ATP2A3: variants seen among roughly 807,000 people sequenced by gnomAD.
The protein encoded by ATP2A3 is ATPase sarcoplasmic/endoplasmic reticulum Ca2+ transporting 3.
Under a neutral mutation model 106.8 loss-of-function variants are expected in ATP2A3, and 61 were observed. The ratio of observed to expected loss-of-function variants is 0.57; its 90% CI spans 0.46 to 0.71. The LOEUF is 0.71. Ranked by LOEUF, ATP2A3 falls within the 30% of genes least tolerant of loss-of-function variation. ATP2A3 has a pLI of 0.00. For missense variants in ATP2A3, 1,201 were observed against 1,423.5 expected (o/e 0.84, Z 2.52); for synonymous variants, 611 against 609.3 (o/e 1.00, Z -0.04).
In ATP2A3 at chr17:3,953,228, G is replaced by T; in HGVS notation, c.219+119C>A. On this transcript the variant is annotated intron_variant, in intron 3 of 20. Transcript: ENST00000397041. The surrounding 1 kb of genome is among the most constrained non-coding windows in gnomAD (Gnocchi z 5.1). The stretch of plus-strand genomic sequence containing the variant: ...GCAGGGCAGGGCCAGGGAAGGCCAG[G>T]GCGCAGGCCCAGGGTGTGGAGGACA... 8.5e-7 allele frequency: 1 copy of T among 1,177,622 alleles called. No homozygotes were observed. The highest frequency in any genetic ancestry group is 1.3e-6 in the Non-Finnish European group (1 of 786,408). 72.9% of individuals were successfully genotyped at this position (1,177,622 alleles called of 1,614,324 possible). A position where few individuals can be genotyped will look rare whatever the true frequency, so the allele number is the denominator to read the frequency against.
chr17:3,946,327 G>A (rs1597633445), intron 8 of ATP2A3, among the ~76,000 whole-genome samples: 1 of 151,924 alleles, frequency 6.6e-6, no homozygotes, highest in Non-Finnish European at 1.5e-5. Context: ...CAAGGCGGGT[G>A]GATCACTTGA....
intron 15 of ATP2A3, 125 bp downstream of exon 15, chr17:3,937,291 G>T: frequency 1.8e-6 from 2 of 1,142,034 alleles, no homozygotes; most frequent in Non-Finnish European, 2.5e-6. Context: ...ACCCTGGAAA[G>T]CCCCAGCCAG....
At position 3,953,811 on chromosome 17, in the gene ATP2A3, G is replaced by T; in HGVS notation, c.119-101C>A. On this transcript the variant is annotated intron_variant, in intron 1 of 20. Transcript: ENST00000397041. The surrounding 1 kb of genome is among the most constrained non-coding windows in gnomAD (Gnocchi z 5.1). ...CTGGCAGTGCCTCCCCACCGTGCCCGCCCAGACCCCCACCACGGACTGGAT... is the reference window on the plus strand; with the variant it reads ...CTGGCAGTGCCTCCCCACCGTGCCCTCCCAGACCCCCACCACGGACTGGAT... The T allele has an allele frequency of 1.5e-6, 2 of 1,290,928 alleles. No individual in the cohort carries two copies. The highest frequency in any genetic ancestry group is 2.2e-6 in the Non-Finnish European group (2 of 911,634). 80.0% of individuals were successfully genotyped at this position (1,290,928 alleles called of 1,614,324 possible).
At chr17:3,951,558 G>GTACCACCCCCCCT in intron 4 of ATP2A3, 23 bp downstream of exon 4, 1 of 716,234 alleles carries the variant, frequency 1.4e-6, no homozygotes. Context: ...CCCCCGCCCG[G>GTACCACCCCCCCT]TCCCACCCCC....
intron 4 of ATP2A3, 30 bp downstream of exon 4, chr17:3,951,551 C>A (rs1567715190): frequency 2.2e-6 from 3 of 1,341,318 alleles, no homozygotes; most frequent in Admixed American, 2.0e-5. Flanking sequence ...AGACCGCCCC[C>A]CGCCCGGTCC....
Position 3,942,580 on chromosome 17 carries a change from CCCAGGCCAGCCAGGCAGG to C in ATP2A3, c.1545+8_1545+25del. The C allele has an allele frequency of 1.2e-6, 2 of 1,605,540 alleles. No individual in the cohort carries two copies. The highest frequency in any genetic ancestry group is 1.7e-6 in the Non-Finnish European group (2 of 1,179,194). On this transcript the variant is annotated splice_region_variant and intron_variant, in intron 12 of 20. Coordinates refer to ENST00000397041, the MANE Select transcript of ATP2A3 (RefSeq NM_005173.4). Reference sequence around the variant, plus strand: ...CCAGGTTCCCCAGGGCGCGCAGGGGCCCAGGCCAGCCAGGCAGGCCCCCACCTTCACAAACATCTTGCT... The same window carrying C: ...CCAGGTTCCCCAGGGCGCGCAGGGGCCCCCCACCTTCACAAACATCTTGCT...
intron 14 of ATP2A3, 94 bp downstream of exon 14, chr17:3,940,877 A>G (rs906013636): frequency 1.4e-6 from 2 of 1,394,452 alleles, no homozygotes; most frequent in Non-Finnish European, 2.0e-6. Context: ...AAAAGGTAAG[A>G]ATGAGGCAGA....
chr17:3,929,013 C>G lies in ATP2A3; in HGVS notation c.2863-233G>C, dbSNP rs1174428597. Among the ~76,000 whole-genome samples the G allele has an allele frequency of 6.6e-6, 1 of 152,078 alleles. No individual in the cohort carries two copies. The highest frequency in any genetic ancestry group is 1.5e-5 in the Non-Finnish European group (1 of 68,010). On this transcript the variant is annotated intron_variant, in intron 19 of 20. Coordinates refer to ENST00000397041, the MANE Select transcript of ATP2A3 (RefSeq NM_005173.4). The surrounding 1 kb of genome is among the most constrained non-coding windows in gnomAD (Gnocchi z 4.3). Reference sequence around the variant, plus strand: ...AGCTTCCTCTGCCTCAAGGGCCCACCTCTGCCCTTGCCCACTGGGTCAACT... The same window carrying G: ...AGCTTCCTCTGCCTCAAGGGCCCACGTCTGCCCTTGCCCACTGGGTCAACT...
Position 3,953,676 on chromosome 17 carries a change from C to G in ATP2A3, c.136+17G>C. 6.4e-7 allele frequency: 1 copy of G among 1,562,266 alleles called. No individual in the cohort carries two copies. The highest frequency in any genetic ancestry group is 8.7e-7 in the Non-Finnish European group (1 of 1,153,026). On this transcript the variant is annotated intron_variant, in intron 2 of 20. Transcript: ENST00000397041. This position sits in a 1 kb window ranked among gnomAD's most constrained non-coding sequence, Gnocchi z 5.1. Reference sequence around the variant, plus strand: ...TGCTGCCCGCGGCCTAGAGGTCCATCCCGGTGCCAGCCTCACCTTCCTCAC... The same window carrying G: ...TGCTGCCCGCGGCCTAGAGGTCCATGCCGGTGCCAGCCTCACCTTCCTCAC...
chr17:3,948,228 C>T lies in ATP2A3; in HGVS notation c.631-373G>A, dbSNP rs140617240. Among the ~76,000 whole-genome samples, 150 of 152,362 alleles carry T rather than the reference C, an allele frequency of 9.8e-4. 4 individuals carry two copies. In the East Asian group the frequency reaches 0.018, roughly 19 times the overall value. ...AGCCACACAGGAGCATAGCTGACTACGAACCCAATAAACAGTCCATTAATA... is the reference window on the plus strand; with the variant it reads ...AGCCACACAGGAGCATAGCTGACTATGAACCCAATAAACAGTCCATTAATA... On this transcript the variant is annotated intron_variant, in intron 7 of 20. Coordinates refer to ENST00000397041, the MANE Select transcript of ATP2A3 (RefSeq NM_005173.4).
chr17:3,942,327 T>C (rs2053826958), intron 12 of ATP2A3, among the ~76,000 whole-genome samples: 1 of 152,234 alleles, frequency 6.6e-6, no homozygotes, highest in Non-Finnish European at 1.5e-5. Flanking sequence ...TAGAGCTGTA[T>C]TTCTCTCTTC....
chr17:3,964,268 C>A lies in ATP2A3; in HGVS notation c.24G>T (p.Pro8=), dbSNP rs1372953420. ...AGAAGTGGCGCAGCACGTCGGCGGC[C>A]GGGAGCAGATGCGCCGCCTCCATGC... is the stretch of plus-strand genomic sequence containing the variant. MEAAHLL[P]AADVLRHFSV... The change falls in exon 1 of 21, where the codon CCG becomes CCT. Residue 8 remains proline, a synonymous_variant. Transcript: ENST00000397041. 1 of 1,283,550 alleles carries A rather than the reference C, an allele frequency of 7.8e-7. No homozygotes were observed. Among genetic ancestry groups the A allele is most frequent in the Non-Finnish European group, 1.0e-6 (1 of 1,002,666 alleles). The allele number at this position is 1,283,550 out of a possible 1,614,324, so 79.5% of individuals were successfully genotyped here. A position where few individuals can be genotyped will look rare whatever the true frequency, so the allele number is the denominator to read the frequency against.
In ATP2A3 at chr17:3,928,254, G is replaced by A. The variant is rs1203294939; in HGVS notation, c.2980+409C>T. ...AAGAGGCCAACCCGGTGTGGTCTGG[G>A]GTCCAAGAGGTGGTCAGCGGCTGCC... On this transcript the variant is annotated intron_variant, in intron 20 of 20. Transcript: ENST00000397041. The surrounding 1 kb of genome is among the most constrained non-coding windows in gnomAD (Gnocchi z 6.1). 3.1e-6 allele frequency: 5 copies of A among 1,613,462 alleles called. No homozygotes were observed. The Admixed American group carries it at 6.7e-5, about 22-fold the overall frequency.
In ATP2A3 at chr17:3,955,048, G is replaced by A. The variant is rs28574570; in HGVS notation, c.119-1338C>T. On this transcript the variant is annotated intron_variant, in intron 1 of 20. Coordinates refer to ENST00000397041, the MANE Select transcript of ATP2A3 (RefSeq NM_005173.4). This position sits in a 1 kb window ranked among gnomAD's most constrained non-coding sequence, Gnocchi z 4.2. ...GAGCCAGGCTCTGCAGGGTGGGCTT[G>A]GAGAAGCTCCCCCTTCCCAGGCCGC... Among the ~76,000 whole-genome samples the A allele has an allele frequency of 0.012, 1,857 of 152,322 alleles. 43 individuals are homozygous for A. Among genetic ancestry groups the A allele is most frequent in the African/African-American group, 0.042 (1,757 of 41,562 alleles).
In ATP2A3 at chr17:3,947,397, G is replaced by C. The variant is rs755740594; in HGVS notation, c.1089C>G (p.Val363=). Residue 363 remains valine, a synonymous_variant, in exon 8 of 21, where the codon GTC becomes GTG. Transcript: ENST00000397041. The surrounding 1 kb of genome is among the most constrained non-coding windows in gnomAD (Gnocchi z 7.7). ...TGTLTTNQMS[V]CRMFVVAEAD... ...CAAGCTGGCCGTCACTCACCCGGCAGACAGACATCTGATTGGTGGTGAGCG... is the reference window on the plus strand; with the variant it reads ...CAAGCTGGCCGTCACTCACCCGGCACACAGACATCTGATTGGTGGTGAGCG... 2.5e-6 allele frequency: 4 copies of C among 1,613,888 alleles called. No homozygotes were observed. Among genetic ancestry groups the C allele is most frequent in the Non-Finnish European group, 3.4e-6 (4 of 1,180,054 alleles).
intron 7 of ATP2A3, among the ~76,000 whole-genome samples, chr17:3,948,946 T>C (rs1298887106): frequency 6.6e-6 from 1 of 152,004 alleles, no homozygotes; most frequent in Non-Finnish European, 1.5e-5. Flanking sequence ...CTGGCCAACA[T>C]GGTGAAACCC....
chr17:3,960,044 C>G (rs759083854), intron 1 of ATP2A3, among the ~76,000 whole-genome samples: 1 of 152,208 alleles, frequency 6.6e-6, no homozygotes, highest in African/African-American at 2.4e-5. Flanking sequence ...GCATGAAAGA[C>G]GTTGAGCTTC....
Position 3,930,521 on chromosome 17 carries a change from G to C in ATP2A3, c.2611-87C>G. 1 of 1,473,932 alleles carries C rather than the reference G, an allele frequency of 6.8e-7. No homozygotes were observed. The highest frequency in any genetic ancestry group is 9.1e-7 in the Non-Finnish European group (1 of 1,098,562). 91.3% of individuals were successfully genotyped at this position (1,473,932 alleles called of 1,614,324 possible). ...GGAGGGAAGCCTCATCCTGCCCTTG[G>C]CCCACGCCTGGGCACAACCAGCACA... On this transcript the variant is annotated intron_variant, in intron 17 of 20. Transcript: ENST00000397041. The surrounding 1 kb of genome is among the most constrained non-coding windows in gnomAD (Gnocchi z 5.4).
Position 3,953,205 on chromosome 17 carries a change from A to G in ATP2A3, c.219+142T>C, listed in dbSNP as rs2054554742. The G allele has an allele frequency of 2.1e-6, 2 of 941,778 alleles. No individual in the cohort carries two copies. The highest frequency in any genetic ancestry group is 3.2e-5 in the African/African-American group (2 of 61,826). The allele number at this position is 941,778 out of a possible 1,614,324, so 58.3% of individuals were successfully genotyped here. A position where few individuals can be genotyped will look rare whatever the true frequency, so the allele number is the denominator to read the frequency against. On this transcript the variant is annotated intron_variant, in intron 3 of 20. Coordinates refer to ENST00000397041, the MANE Select transcript of ATP2A3 (RefSeq NM_005173.4). This position sits in a 1 kb window ranked among gnomAD's most constrained non-coding sequence, Gnocchi z 5.1. The stretch of plus-strand genomic sequence containing the variant: ...AGGCAAGGGAAGCTGAAGTCTGAGC[A>G]GGGCAGGGCCAGGGAAGGCCAGGGC...
Sources: allele counts gnomAD v4.1 joint callset (sites outside exome capture counted in the v4.1 genomes callset), GRCh38; gene constraint gnomAD v4.1.1; non-coding constraint Gnocchi (gnomAD v3.1); transcripts MANE v1.5; gene names NCBI Gene and HGNC (gene_info 2026-07-23, HGNC 2026-07-21).